The following HIC1 variants were observed in gnomAD, a reference collection of about 807,000 sequenced individuals.
The protein encoded by HIC1 is HIC ZBTB transcriptional repressor 1, also known as hypermethylated in cancer 1 protein.
In HIC1, 9 loss-of-function variants were observed where a neutral mutation model predicts 26.4. The observed-to-expected ratio is 0.34, with a 90% CI of 0.21 to 0.59. HIC1 has a LOEUF of 0.59. Among genes scored for constraint, HIC1 ranks in the 20% least tolerant of loss-of-function variants. The probability of loss-of-function intolerance (pLI) is 0.82; values close to 1 mark genes in which losing one functional copy is unlikely to be tolerated. For missense variants in HIC1, 965 were observed against 1,075.7 expected (o/e 0.90, Z 1.44); for synonymous variants, 631 against 523.1 (o/e 1.21, Z -2.81).
In HIC1 at chr17:2,056,687, G is replaced by GACGATGCTGGAC; in HGVS notation, c.4_15dup. On this transcript the variant is annotated 5_prime_UTR_variant, in exon 2 of 2. In the 5' UTR this introduces an upstream ATG that the reference lacks. Coordinates refer to ENST00000619757, the MANE Select transcript of HIC1 (RefSeq NM_006497.4). ...TCCCCGCAGGAGAGTGTGCTGGGCAGACGATGCTGGACACGATGGAGGCGC... is the reference window on the plus strand; with the variant it reads ...TCCCCGCAGGAGAGTGTGCTGGGCAGACGATGCTGGACACGATGCTGGACACGATGGAGGCGC... 6.3e-7 allele frequency: 1 copy of GACGATGCTGGAC among 1,585,108 alleles called. No homozygotes were observed.
intron 1 of HIC1, chr17:2,056,417 G>GC (rs34208532): frequency 6.6e-7 from 1 of 1,519,846 alleles, no homozygotes; most frequent in Non-Finnish European, 9.1e-7. Flanking sequence ...CCAGCCAGGT[G>GC]CCCTGGGGCG....
chr17:2,061,532 C>A lies in HIC1; in HGVS notation c.*2697C>A. 6.3e-7 allele frequency: 1 copy of A among 1,574,946 alleles called. No homozygotes were observed. The highest frequency in any genetic ancestry group is 8.6e-7 in the Non-Finnish European group (1 of 1,159,942). ...CCACGTGAGGAAGGCTGGGATGTCC[C>A]GTACAGGAACATTCCTTGTGAGCGC... is the stretch of plus-strand genomic sequence containing the variant. On this transcript the variant is annotated 3_prime_UTR_variant, in exon 2 of 2. Coordinates refer to ENST00000619757, the MANE Select transcript of HIC1 (RefSeq NM_006497.4).
In HIC1 at chr17:2,059,145, C is replaced by T. The variant is rs2067707794; in HGVS notation, c.*310C>T. On this transcript the variant is annotated 3_prime_UTR_variant, in exon 2 of 2. Coordinates refer to ENST00000619757, the MANE Select transcript of HIC1 (RefSeq NM_006497.4). ...GGTTCGTCGGCCCCCTCCCCCGGCT[C>T]CGCGCTGCTCTTAGAGGGGGAGGGG... 3.1e-6 allele frequency: 1 copy of T among 319,940 alleles called. No individual in the cohort carries two copies. Among genetic ancestry groups the T allele is most frequent in the East Asian group, 5.8e-5 (1 of 17,378 alleles). The allele number at this position is 319,940 out of a possible 1,614,324, so 19.8% of individuals were successfully genotyped here. A position where few individuals can be genotyped will look rare whatever the true frequency, so the allele number is the denominator to read the frequency against.
In HIC1 at chr17:2,061,371, G is replaced by A. The variant is rs567340149; in HGVS notation, c.*2536G>A. On this transcript the variant is annotated 3_prime_UTR_variant, in exon 2 of 2. Transcript: ENST00000619757. Reference sequence around the variant, plus strand: ...CATGGCCGTGGCGTGGGTTGGAAGAGGATGGTTTATTGTCTGGGTGGATTG... The same window carrying A: ...CATGGCCGTGGCGTGGGTTGGAAGAAGATGGTTTATTGTCTGGGTGGATTG... 10 of 998,252 alleles carry A rather than the reference G, an allele frequency of 1.0e-5. No individual in the cohort carries two copies. The highest frequency in any genetic ancestry group is 1.5e-5 in the Non-Finnish European group (10 of 686,216). 61.8% of individuals were successfully genotyped at this position (998,252 alleles called of 1,614,324 possible).
intron 1 of HIC1, 161 bp from the exon 2 acceptor site, chr17:2,056,510 C>G: frequency 7.4e-7 from 1 of 1,344,392 alleles, no homozygotes; most frequent in Middle Eastern, 2.5e-4. Flanking sequence ...GGCCTGGGCT[C>G]CCACTCCAGA....
Position 2,057,535 on chromosome 17 carries a change from C to T in HIC1, c.845C>T (p.Ala282Val). Reference protein sequence around the residue: ...PLPFQKLEEAAPPSDPFRGGS... With the variant: ...PLPFQKLEEAVPPSDPFRGGS... ...CCCTTCCAGAAGCTGGAGGAGGCCG[C>T]ACCGCCTTCCGACCCATTTCGCGGC... is the stretch of plus-strand genomic sequence containing the variant. Residue 282 changes from alanine (A) to valine (V), a missense_variant, in exon 2 of 2, where the codon GCA becomes GTA. By Grantham distance (64) the Ala-to-Val change is moderately conservative (BLOSUM62 0). Transcript: ENST00000619757. 1 of 1,496,898 alleles carries T rather than the reference C, an allele frequency of 6.7e-7. No homozygotes were observed. Among genetic ancestry groups the T allele is most frequent in the Non-Finnish European group, 8.9e-7 (1 of 1,128,776 alleles). The allele number at this position is 1,496,898 out of a possible 1,614,324, so 92.7% of individuals were successfully genotyped here. A position where few individuals can be genotyped will look rare whatever the true frequency, so the allele number is the denominator to read the frequency against.
In HIC1 at chr17:2,055,666, G is replaced by A. The variant is rs2067665011; in HGVS notation, c.-21+428G>A. On this transcript the variant is annotated intron_variant, in intron 1 of 1. Coordinates refer to ENST00000619757, the MANE Select transcript of HIC1 (RefSeq NM_006497.4). This position sits in a 1 kb window ranked among gnomAD's most constrained non-coding sequence, Gnocchi z 6.4. ...GGCCCCGCGGGCCAGGAGGGGAACG[G>A]GGTCGGGCGGGCGAGCAGCGGGCAG... 6.6e-6 allele frequency among the ~76,000 whole-genome samples: 1 copy of A among 151,346 alleles called. No individual in the cohort carries two copies. The highest frequency in any genetic ancestry group is 2.4e-5 in the African/African-American group (1 of 41,262).
rs925247039 is a variant in HIC1 at position 2,055,893 on chromosome 17, GGGCCCA to G, written c.-21+660_-21+665del. Reference sequence around the variant, plus strand: ...GGGAGGCGCCGGGCCCGCGCGTGTAGGGCCCAGGCCGAGGCCGGGACGCGGGTGGGG... The same window carrying G: ...GGGAGGCGCCGGGCCCGCGCGTGTAGGGCCGAGGCCGGGACGCGGGTGGGG... On this transcript the variant is annotated intron_variant, in intron 1 of 1. Transcript: ENST00000619757. This position sits in a 1 kb window ranked among gnomAD's most constrained non-coding sequence, Gnocchi z 6.4. 6.6e-6 allele frequency among the ~76,000 whole-genome samples: 1 copy of G among 150,636 alleles called. No individual in the cohort carries two copies. Among genetic ancestry groups the G allele is most frequent in the Non-Finnish European group, 1.5e-5 (1 of 67,516 alleles).
chr17:2,060,382 G>A lies in HIC1; in HGVS notation c.*1547G>A, dbSNP rs1368231193. 6.6e-6 allele frequency: 1 copy of A among 152,284 alleles called. No individual in the cohort carries two copies. The highest frequency in any genetic ancestry group is 1.5e-5 in the Non-Finnish European group (1 of 68,090). 9.4% of individuals were successfully genotyped at this position (152,284 alleles called of 1,614,324 possible). A position where few individuals can be genotyped will look rare whatever the true frequency, so the allele number is the denominator to read the frequency against. On this transcript the variant is annotated 3_prime_UTR_variant, in exon 2 of 2. Transcript: ENST00000619757. ...AAGCTAGAAACCAGGTTAGGCGACG[G>A]TGCCCCAGCACTGGAATGCCTCAGG... is the stretch of plus-strand genomic sequence containing the variant.
intron 1 of HIC1, among the ~76,000 whole-genome samples, chr17:2,056,023 C>G (rs1181917184): frequency 1.4e-5 from 2 of 147,744 alleles, no homozygotes; most frequent in Admixed American, 6.7e-5. Flanking sequence ...CCCCTCCCCC[C>G]CACCTGCTTC....
intron 1 of HIC1, chr17:2,056,387 C>A: frequency 6.3e-7 from 1 of 1,598,040 alleles, no homozygotes; most frequent in Non-Finnish European, 8.6e-7. Flanking sequence ...GAACAGTTTT[C>A]TTCTCGGAAG....
rs867965018 is a variant in HIC1 at position 2,057,652 on chromosome 17, G to A, written c.962G>A (p.Ser321Asn). 2.0e-6 allele frequency: 3 copies of A among 1,516,000 alleles called. No homozygotes were observed. The highest frequency in any genetic ancestry group is 2.0e-5 in the Admixed American group (1 of 49,944). 93.9% of individuals were successfully genotyped at this position (1,516,000 alleles called of 1,614,324 possible). Residue 321 changes from serine (S) to asparagine (N), a missense_variant, in exon 2 of 2, where the codon AGC becomes AAC. By Grantham distance (46) the Ser-to-Asn change is conservative (BLOSUM62 1). Around this residue, in one of 6 missense-constraint regions of HIC1, gnomAD observed 526 missense variants for 525.0 expected, o/e 1.00. Transcript: ENST00000619757. ...ATGAAGCACGAGCCGGGCCTGGGTAGCTATGGCGACGAGCTGGGCCGGGAG... is the reference window on the plus strand; with the variant it reads ...ATGAAGCACGAGCCGGGCCTGGGTAACTATGGCGACGAGCTGGGCCGGGAG... ...RWMKHEPGLG[S>N]YGDELGRERG...
At position 2,057,212 on chromosome 17, in the gene HIC1, C is replaced by A; in HGVS notation, c.522C>A (p.Val174=). Residue 174 remains valine, a synonymous_variant, in exon 2 of 2, where the codon GTC becomes GTA. Transcript: ENST00000619757. ...TCCAGGCCTGCTACCCGTCCCCAGT[C>A]GGGCCTCCGCCGCCGCCTGCCGCGG... is the stretch of plus-strand genomic sequence containing the variant. The part of the protein sequence containing the change: ...PVIQACYPSP[V]GPPPPPAAEP... The A allele has an allele frequency of 7.2e-7, 1 of 1,394,786 alleles. No homozygotes were observed. The highest frequency in any genetic ancestry group is 1.5e-5 in the South Asian group (1 of 67,394). The allele number at this position is 1,394,786 out of a possible 1,614,324, so 86.4% of individuals were successfully genotyped here. A position where few individuals can be genotyped will look rare whatever the true frequency, so the allele number is the denominator to read the frequency against.
chr17:2,056,159 T>G, intron 1 of HIC1: 1 of 573,704 alleles, frequency 1.7e-6, no homozygotes. Flanking sequence ...CGACCGAGGG[T>G]TGACAGCCCC....
At position 2,060,530 on chromosome 17, in the gene HIC1, C is replaced by G. The variant is rs1449214887; in HGVS notation, c.*1695C>G. ...GAGAGGGAAAGTTCAGAGTGAGAAC[C>G]CCTATGACGAGGAACCGCGGTGAAG... On this transcript the variant is annotated 3_prime_UTR_variant, in exon 2 of 2. Transcript: ENST00000619757. 6.6e-6 allele frequency: 1 copy of G among 152,244 alleles called. No homozygotes were observed. The highest frequency in any genetic ancestry group is 1.5e-5 in the Non-Finnish European group (1 of 68,096). 9.4% of individuals were successfully genotyped at this position (152,244 alleles called of 1,614,324 possible). A position where few individuals can be genotyped will look rare whatever the true frequency, so the allele number is the denominator to read the frequency against.
rs1334147608 is a variant in HIC1 at position 2,059,215 on chromosome 17, CCA to C, written c.*384_*385del. The C allele has an allele frequency of 4.7e-5, 10 of 212,250 alleles. No individual in the cohort carries two copies. Among genetic ancestry groups the C allele is most frequent in the Non-Finnish European group, 9.1e-5 (9 of 98,550 alleles). 13.1% of individuals were successfully genotyped at this position (212,250 alleles called of 1,614,324 possible). On this transcript the variant is annotated 3_prime_UTR_variant, in exon 2 of 2. Transcript: ENST00000619757. ...CTAGCCCTACCTCCGGCCCTTGCGA[CCA>C]CACCCATTCTCACTGTGAATCTCCC...
chr17:2,058,848 CA>C lies in HIC1; in HGVS notation c.*14del. 4.2e-6 allele frequency: 6 copies of C among 1,424,866 alleles called. No individual in the cohort carries two copies. Among genetic ancestry groups the C allele is most frequent in the Non-Finnish European group, 5.5e-6 (6 of 1,093,958 alleles). 88.3% of individuals were successfully genotyped at this position (1,424,866 alleles called of 1,614,324 possible). A position where few individuals can be genotyped will look rare whatever the true frequency, so the allele number is the denominator to read the frequency against. Reference sequence around the variant, plus strand: ...CTCTCCCACCTAGAGCGCCCCTCGCCAGCCCGCTCTGTCGCTGCTGCGCGGC... The same window carrying C: ...CTCTCCCACCTAGAGCGCCCCTCGCCGCCCGCTCTGTCGCTGCTGCGCGGC... On this transcript the variant is annotated 3_prime_UTR_variant, in exon 2 of 2. Coordinates refer to ENST00000619757, the MANE Select transcript of HIC1 (RefSeq NM_006497.4).
rs536085916 is a variant in HIC1, at chr17:2,061,416, A to G, written c.*2581A>G. On this transcript the variant is annotated 3_prime_UTR_variant, in exon 2 of 2. Transcript: ENST00000619757. ...GGATTGGTGGCTCAGGCACGTGGGC[A>G]TCTTCCGTGCTACACTGGGCGCCTG... 2.2e-4 allele frequency: 306 copies of G among 1,421,600 alleles called. 1 individual carries two copies. In the African/African-American group the frequency reaches 3.7e-3, roughly 17 times the overall value. 88.1% of individuals were successfully genotyped at this position (1,421,600 alleles called of 1,614,324 possible). A position where few individuals can be genotyped will look rare whatever the true frequency, so the allele number is the denominator to read the frequency against.
Position 2,061,734 on chromosome 17 carries a change from G to A in HIC1, c.*2899G>A, listed in dbSNP as rs1002000765. 1.6e-6 allele frequency: 2 copies of A among 1,249,678 alleles called. No homozygotes were observed. The highest frequency in any genetic ancestry group is 2.2e-6 in the Non-Finnish European group (2 of 900,052). 77.4% of individuals were successfully genotyped at this position (1,249,678 alleles called of 1,614,324 possible). On this transcript the variant is annotated 3_prime_UTR_variant, in exon 2 of 2. Coordinates refer to ENST00000619757, the MANE Select transcript of HIC1 (RefSeq NM_006497.4). Reference sequence around the variant, plus strand: ...GGGGAGGGGGTGCCACGCTAGCCGTGTCTTGGCTCTTCTACCAGTCCTTTC... The same window carrying A: ...GGGGAGGGGGTGCCACGCTAGCCGTATCTTGGCTCTTCTACCAGTCCTTTC...
Sources: gnomAD v4.1 joint callset for allele counts (sites outside exome capture counted in the v4.1 genomes callset) on GRCh38, gnomAD v4.1.1 for gene constraint, gnomAD v4.1.1 regional missense constraint, Gnocchi (gnomAD v3.1) non-coding constraint, MANE v1.5 for transcripts, NCBI Gene and HGNC (gene_info 2026-07-23, HGNC 2026-07-21) for gene names.